DSCAML1: variants seen among roughly 807,000 people sequenced by gnomAD.
DSCAML1 encodes the protein DS cell adhesion molecule like 1.
Under a neutral mutation model 200.5 loss-of-function variants are expected in DSCAML1, and 38 were observed. The observed-to-expected ratio is 0.19, with a 90% CI of 0.15 to 0.25. DSCAML1 has a LOEUF of 0.25. Among genes scored for constraint, DSCAML1 ranks in the 10% least tolerant of loss-of-function variants. The pLI is 1.00. For missense variants in DSCAML1, 2,223 were observed against 2,858.8 expected, an observed-to-expected ratio of 0.78 and a Z score of 5.07; for synonymous variants, 1,215 against 1,165.0, an observed-to-expected ratio of 1.04 and a Z score of -0.87.
chr11:117,789,932 A>T (rs1049960339), intron 1 of DSCAML1, among the ~76,000 whole-genome samples: 2 of 152,168 alleles, frequency 1.3e-5, no homozygotes, highest in African/African-American at 2.4e-5. Flanking sequence ...CTGGGTGGGA[A>T]AGCTGCAGAG....
At chr11:117,606,640 C>T (rs2051571604) in intron 3 of DSCAML1, among the ~76,000 whole-genome samples, 1 of 152,212 alleles carries the variant, frequency 6.6e-6, no homozygotes, top group Admixed American at 6.5e-5. Context: ...ATCCGTCCTT[C>T]CACCCCGGCA....
At chr11:117,641,197 AC>A (rs1307614018) in intron 3 of DSCAML1, among the ~76,000 whole-genome samples, 2 of 151,972 alleles carry the variant, frequency 1.3e-5, no homozygotes, top group Non-Finnish European at 2.9e-5. Context: ...GGACTAGTTG[AC>A]CCCAGGGTCC....
Position 117,505,036 on chromosome 11 carries a change from A to G in DSCAML1, c.2070T>C (p.Pro690=). ...RERQLIVRVP[P]RFVVQPNNQD... is the part of the protein sequence containing the mutation. ...GGTTGTTGGGTTGCACCACAAATCG[A>G]GGGGGCACTGCAGAAAGAGGGAAGG... The change falls in exon 10 of 33, where the codon CCT becomes CCC. Residue 690 remains proline, a synonymous_variant. Coordinates refer to ENST00000651296, the MANE Select transcript of DSCAML1 (RefSeq NM_020693.4). This position sits in a 1 kb window ranked among gnomAD's most constrained non-coding sequence, Gnocchi z 6.7. The G allele has an allele frequency of 6.2e-7, 1 of 1,611,534 alleles. No homozygotes were observed. Among genetic ancestry groups the G allele is most frequent in the African/African-American group, 1.3e-5 (1 of 74,926 alleles).
At chr11:117,633,509 G>A (rs1247943770) in intron 3 of DSCAML1, among the ~76,000 whole-genome samples, 1 of 152,198 alleles carries the variant, frequency 6.6e-6, no homozygotes, top group East Asian at 1.9e-4. Flanking sequence ...CCTTCAGCGC[G>A]TGGCAGGTTT....
In DSCAML1 at chr11:117,614,113, T is replaced by C. The variant is rs139152821; in HGVS notation, c.512-81591A>G. Among the ~76,000 whole-genome samples, 334 of 152,134 alleles carry C rather than the reference T, an allele frequency of 2.2e-3. 3 individuals carry two copies. Among genetic ancestry groups the C allele is most frequent in the African/African-American group, 7.7e-3 (320 of 41,402 alleles). On this transcript the variant is annotated intron_variant, in intron 3 of 32. Transcript: ENST00000651296. ...CTAAGCTGCCCTGGAGAGAGATATA[T>C]ATGCATCTCCCTTATCTCTCTCTCT...
intron 3 of DSCAML1, among the ~76,000 whole-genome samples, chr11:117,548,405 A>G (rs2050413604): frequency 6.6e-6 from 1 of 152,220 alleles, no homozygotes; most frequent in South Asian, 2.1e-4. Flanking sequence ...GAGTCCTGCC[A>G]GCTCCTTCCC....
intron 3 of DSCAML1, among the ~76,000 whole-genome samples, chr11:117,747,963 T>A (rs988018885): frequency 1.3e-5 from 2 of 152,130 alleles, no homozygotes; most frequent in African/African-American, 4.8e-5. Context: ...TTGGAGATCA[T>A]CTGGGTTCTC....
chr11:117,470,376 C>T (rs1000890136), intron 15 of DSCAML1, among the ~76,000 whole-genome samples: 2 of 152,046 alleles, frequency 1.3e-5, no homozygotes, highest in Non-Finnish European at 1.5e-5. Flanking sequence ...GAGATCGAGA[C>T]CATCCTGGCT....
intron 3 of DSCAML1, among the ~76,000 whole-genome samples, chr11:117,749,822 C>T (rs992302197): frequency 2.6e-5 from 4 of 152,236 alleles, no homozygotes; most frequent in Admixed American, 1.3e-4. Flanking sequence ...CCCCTTACAG[C>T]GGGGAGAGCT....
intron 3 of DSCAML1, among the ~76,000 whole-genome samples, chr11:117,672,102 G>GGAAAAAAAAAGAAAAAAAAAA (rs1555196987): frequency 3.2e-5 from 3 of 94,508 alleles, no homozygotes; most frequent in Non-Finnish European, 6.0e-5. Context: ...CTCCAGCTCA[G>GGAAAAAAAAAGAAAAAAAAAA]AAAAAAAAAA....
chr11:117,567,652 A>G (rs184922140), intron 3 of DSCAML1, among the ~76,000 whole-genome samples: 1,878 of 152,240 alleles, frequency 0.012, 42 homozygotes, highest in African/African-American at 0.043. Context: ...CGACACATAC[A>G]CTCTCCCAAG....
At chr11:117,748,666 G>C (rs1371268602) in intron 3 of DSCAML1, among the ~76,000 whole-genome samples, 2 of 152,188 alleles carry the variant, frequency 1.3e-5, no homozygotes, top group Non-Finnish European at 2.9e-5. Context: ...GGGAGGGCTG[G>C]GACTCCAGGC....
intron 4 of DSCAML1, among the ~76,000 whole-genome samples, chr11:117,529,182 G>A (rs1565768156): frequency 6.6e-6 from 1 of 152,030 alleles, no homozygotes; most frequent in Non-Finnish European, 1.5e-5. Context: ...TGGTTCAAGC[G>A]ATTCTTTGCC....
At chr11:117,566,892 T>C (rs1351317930) in intron 3 of DSCAML1, among the ~76,000 whole-genome samples, 2 of 151,856 alleles carry the variant, frequency 1.3e-5, no homozygotes, top group Non-Finnish European at 2.9e-5. Flanking sequence ...TCCATGTCCC[T>C]ACAAAGGACA....
intron 11 of DSCAML1, among the ~76,000 whole-genome samples, chr11:117,487,174 C>T (rs560377268): frequency 3.8e-4 from 58 of 152,148 alleles, no homozygotes; most frequent in African/African-American, 1.2e-3. Context: ...ATCCACCCGC[C>T]TCAGCCTCCC....
Position 117,489,861 on chromosome 11 carries a change from C to T in DSCAML1, c.2360-7699G>A, listed in dbSNP as rs1230299660. Among the ~76,000 whole-genome samples the T allele has an allele frequency of 6.6e-6, 1 of 152,222 alleles. No homozygotes were observed. Among genetic ancestry groups the T allele is most frequent in the Non-Finnish European group, 1.5e-5 (1 of 68,038 alleles). Reference sequence around the variant, plus strand: ...CCTTGTGTGTGACTGTGAGACTCTCCAGGGCAGAAGCATCTCTATTCCAGG... The same window carrying T: ...CCTTGTGTGTGACTGTGAGACTCTCTAGGGCAGAAGCATCTCTATTCCAGG... On this transcript the variant is annotated intron_variant, in intron 11 of 32. Coordinates refer to ENST00000651296, the MANE Select transcript of DSCAML1 (RefSeq NM_020693.4). This position sits in a 1 kb window ranked among gnomAD's most constrained non-coding sequence, Gnocchi z 4.8.
chr11:117,697,960 C>T (rs28895272), intron 3 of DSCAML1, among the ~76,000 whole-genome samples: 2,001 of 152,066 alleles, frequency 0.013, 58 homozygotes, highest in African/African-American at 0.045. Context: ...TTAGTAGATA[C>T]GGGGTTTCAC....
chr11:117,455,705 T>C (rs2048356374), intron 19 of DSCAML1, among the ~76,000 whole-genome samples: 1 of 152,148 alleles, frequency 6.6e-6, no homozygotes. Flanking sequence ...GGGATCACGG[T>C]GTCTTCAGAT....
chr11:117,603,115 CAA>C (rs2051496557), intron 3 of DSCAML1, among the ~76,000 whole-genome samples: 1 of 151,258 alleles, frequency 6.6e-6, no homozygotes, highest in African/African-American at 2.4e-5. Context: ...ACAACAACAA[CAA>C]CAAAAAAACC....
Sources: allele counts gnomAD v4.1 joint callset (sites outside exome capture counted in the v4.1 genomes callset), GRCh38; gene constraint gnomAD v4.1.1; non-coding constraint Gnocchi (gnomAD v3.1); transcripts MANE v1.5; gene names NCBI Gene and HGNC (gene_info 2026-07-23, HGNC 2026-07-21).